The following GBF1 variants were observed in gnomAD, a reference collection of about 807,000 sequenced individuals.
GBF1 encodes the protein golgi brefeldin A resistant guanine nucleotide exchange factor 1, also known as Golgi-specific brefeldin A-resistance guanine nucleotide exchange factor 1.
In GBF1, 114 loss-of-function variants were observed where a neutral mutation model predicts 210.5. The observed-to-expected ratio is 0.54, with a 90% CI of 0.47 to 0.63. GBF1 has a LOEUF of 0.63. Ranked by LOEUF, GBF1 falls within the 30% of genes least tolerant of loss-of-function variation. The pLI, the probability that GBF1 is intolerant of heterozygous loss-of-function variation, is 0.00. For missense variants in GBF1, 1,851 were observed against 2,357.7 expected (o/e 0.79, Z 4.45); for synonymous variants, 850 against 889.2 (o/e 0.96, Z 0.78).
chr10:102,235,547 CT>C, the GBF1 span, among the ~76,000 whole-genome samples: 2 of 152,270 alleles, frequency 1.3e-5, no homozygotes, highest in Non-Finnish European at 2.9e-5. Flanking sequence ...CCCTACTTGC[CT>C]TCAGTGTTGT....
chr10:102,325,643 G>GT (rs553272688), intron 3 of GBF1, among the ~76,000 whole-genome samples: 79 of 151,260 alleles, frequency 5.2e-4, no homozygotes, highest in African/African-American at 1.8e-3. Flanking sequence ...ACTTACAAAA[G>GT]TTTTTTTTGT....
intron 12 of GBF1, among the ~76,000 whole-genome samples, chr10:102,360,636 A>G (rs562381352): frequency 1.8e-4 from 28 of 152,322 alleles, no homozygotes; most frequent in Non-Finnish European, 3.8e-4. Context: ...ACCTTCACTC[A>G]GTTTGCCTCT....
chr10:102,363,126 T>C lies in GBF1; in HGVS notation c.1877-130T>C. 1 of 733,536 alleles carries C rather than the reference T, an allele frequency of 1.4e-6. No homozygotes were observed. The highest frequency in any genetic ancestry group is 2.7e-5 in the Admixed American group (1 of 36,786). The allele number at this position is 733,536 out of a possible 1,614,324, so 45.4% of individuals were successfully genotyped here. A position where few individuals can be genotyped will look rare whatever the true frequency, so the allele number is the denominator to read the frequency against. Reference sequence around the variant, plus strand: ...GGGACTACTTATTTTGGCTTGGGTTTGTCCTGCTCAGGGCTGGCGCCCTGT... The same window carrying C: ...GGGACTACTTATTTTGGCTTGGGTTCGTCCTGCTCAGGGCTGGCGCCCTGT... On this transcript the variant is annotated intron_variant, in intron 15 of 39. Transcript: ENST00000369983. This position sits in a 1 kb window ranked among gnomAD's most constrained non-coding sequence, Gnocchi z 4.2.
intron 1 of GBF1, among the ~76,000 whole-genome samples, chr10:102,249,862 T>G (rs1367066511): frequency 6.6e-6 from 1 of 152,038 alleles, no homozygotes; most frequent in Non-Finnish European, 1.5e-5. Context: ...CAGCTAATTT[T>G]TGTATTTTTA....
At chr10:102,299,876 C>G (rs1485437876) in intron 3 of GBF1, among the ~76,000 whole-genome samples, 3 of 152,116 alleles carry the variant, frequency 2.0e-5, no homozygotes, top group Non-Finnish European at 4.4e-5. Context: ...TAACTATATA[C>G]TAAATTATTT....
intron 29 of GBF1, among the ~76,000 whole-genome samples, chr10:102,373,571 TAAAAAC>T (rs1259716531): frequency 6.6e-6 from 1 of 151,986 alleles, no homozygotes; most frequent in African/African-American, 2.4e-5. Context: ...CTCCAAAAAA[TAAAAAC>T]ACAATGAGAC....
At chr10:102,270,348 T>G (rs1194511490) in intron 3 of GBF1, among the ~76,000 whole-genome samples, 1 of 151,828 alleles carries the variant, frequency 6.6e-6, no homozygotes, top group Non-Finnish European at 1.5e-5. Context: ...TTTTGTATTT[T>G]TGGTAGAGAC....
intron 1 of GBF1, among the ~76,000 whole-genome samples, chr10:102,254,178 T>C (rs1181572930): frequency 4.6e-5 from 7 of 152,196 alleles, no homozygotes; most frequent in African/African-American, 1.7e-4. Context: ...ACCAATTTTT[T>C]AAAGAGGTTT....
intron 3 of GBF1, among the ~76,000 whole-genome samples, chr10:102,338,305 G>T (rs928337499): frequency 5.5e-5 from 8 of 144,720 alleles, no homozygotes; most frequent in Non-Finnish European, 1.0e-4. Context: ...CAGTGGTGCA[G>T]TCTCGGCTCA....
At chr10:102,239,787 G>T in the GBF1 span, among the ~76,000 whole-genome samples, 1 of 152,216 alleles carries the variant, frequency 6.6e-6, no homozygotes, top group African/African-American at 2.4e-5. Flanking sequence ...GCATAATTGA[G>T]CTGTGGTTAG....
At chr10:102,235,172 A>ACCC in the GBF1 span, among the ~76,000 whole-genome samples, 347 of 77,196 alleles carry the variant, frequency 4.5e-3, 9 homozygotes, top group African/African-American at 5.3e-3. Flanking sequence ...CCCTTCCCCC[A>ACCC]CCCCCCACCC....
intron 4 of GBF1, among the ~76,000 whole-genome samples, chr10:102,345,938 A>AT (rs571918533): frequency 7.2e-5 from 11 of 151,736 alleles, no homozygotes; most frequent in Admixed American, 2.6e-4. Flanking sequence ...CCCTTGTATG[A>AT]TTTTTTTTAC....
At chr10:102,347,730 C>T (rs1209127217) in intron 4 of GBF1, among the ~76,000 whole-genome samples, 1 of 152,152 alleles carries the variant, frequency 6.6e-6, no homozygotes, top group African/African-American at 2.4e-5. Context: ...AGGGTTTAGG[C>T]TGCTCTTCTA....
At chr10:102,322,052 G>A (rs1245697311) in intron 3 of GBF1, among the ~76,000 whole-genome samples, 1 of 152,108 alleles carries the variant, frequency 6.6e-6, no homozygotes, top group African/African-American at 2.4e-5. Context: ...TAGAGACAGG[G>A]TTTCACCATG....
At chr10:102,292,471 A>G (rs1187763740) in intron 3 of GBF1, among the ~76,000 whole-genome samples, 1 of 152,100 alleles carries the variant, frequency 6.6e-6, no homozygotes, top group Non-Finnish European at 1.5e-5. Context: ...GGTTCAAGCA[A>G]TTCTGCTTCA....
At chr10:102,274,699 ATTTTTTTTTTTTTTT>A (rs1174743189) in intron 3 of GBF1, among the ~76,000 whole-genome samples, 8 of 71,700 alleles carry the variant, frequency 1.1e-4, no homozygotes, top group African/African-American at 2.0e-4. Flanking sequence ...CAAAACAAAG[ATTTTTTTTTTTTTTT>A]TTTTTTTTTT....
Position 102,368,829 on chromosome 10 carries a change from T to A in GBF1, c.2970T>A (p.Ser990Arg). 6.3e-7 allele frequency: 1 copy of A among 1,598,554 alleles called. No individual in the cohort carries two copies. The stretch of plus-strand genomic sequence containing the variant: ...TATGCAAATTCACAGCTCTCAGCAG[T>A]GAGGTGAGCAGGTGCAGGAACTGTG... ...ISLCKFTALS[S>R]ESIENLPSVF... The change falls in exon 23 of 40, where the codon AGT (serine) becomes AGA (arginine). Residue 990 changes from serine (S) to arginine (R), a missense_variant. Coordinates refer to ENST00000369983, the MANE Select transcript of GBF1 (RefSeq NM_001377137.1).
At chr10:102,299,507 G>C (rs2077166856) in intron 3 of GBF1, among the ~76,000 whole-genome samples, 1 of 152,164 alleles carries the variant, frequency 6.6e-6, no homozygotes, top group Non-Finnish European at 1.5e-5. Context: ...AAAGGGCCAG[G>C]CGCAGTGGCT....
intron 3 of GBF1, among the ~76,000 whole-genome samples, chr10:102,341,182 G>A (rs1349670091): frequency 2.0e-5 from 3 of 152,104 alleles, no homozygotes; most frequent in South Asian, 2.1e-4. Context: ...ATATACAGAC[G>A]GCAAATAAGC....
Sources: gnomAD v4.1 joint callset for allele counts (sites outside exome capture counted in the v4.1 genomes callset) on GRCh38, gnomAD v4.1.1 for gene constraint, Gnocchi (gnomAD v3.1) non-coding constraint, MANE v1.5 for transcripts, NCBI Gene and HGNC (gene_info 2026-07-23, HGNC 2026-07-21) for gene names.